GLI2: variants seen among roughly 807,000 people sequenced by gnomAD.
GLI2 encodes GLI family zinc finger 2.
In GLI2, 22 loss-of-function variants were observed where a neutral mutation model predicts 78.9. That is an observed-to-expected ratio of 0.28 (90% CI 0.20 to 0.40). The LOEUF (loss-of-function observed/expected upper bound fraction) is 0.40. Among genes scored for constraint, GLI2 ranks in the 10% least tolerant of loss-of-function variants. GLI2 has a pLI of 1.00. For missense variants in GLI2, 2,097 were observed against 2,213.2 expected, an observed-to-expected ratio of 0.95 and a Z score of 1.05; for synonymous variants, 974 against 963.7, an observed-to-expected ratio of 1.01 and a Z score of -0.20.
Position 120,988,494 on chromosome 2 carries a change from G to A in GLI2, c.2529G>A (p.Thr843=). The A allele has an allele frequency of 1.3e-6, 2 of 1,543,020 alleles. No homozygotes were observed. The highest frequency in any genetic ancestry group is 1.4e-5 in the African/African-American group (1 of 70,808). Residue 843 remains threonine, a synonymous_variant, in exon 14 of 14, where the codon ACG becomes ACA. Coordinates refer to ENST00000361492, the MANE Select transcript of GLI2 (RefSeq NM_001374353.1). ...SSADSYDPIS[T]DASRRSSEAS... ...CTGACTCCTACGACCCCATCTCCAC[G>A]GACGCGTCGCGGCGCTCGAGCGAGG...
At chr2:120,825,140 T>C (rs1685985876) in intron 2 of GLI2, among the ~76,000 whole-genome samples, 2 of 152,204 alleles carry the variant, frequency 1.3e-5, no homozygotes. Flanking sequence ...TGATATTTCT[T>C]ATAGCCATTG....
intron 11 of GLI2, among the ~76,000 whole-genome samples, chr2:120,983,511 G>A (rs10048726): frequency 0.63 from 95,712 of 151,580 alleles, 31,209 homozygotes; most frequent in Non-Finnish European, 0.73. Flanking sequence ...GCGTTTGTTG[G>A]TAGCCCCCTG....
intron 2 of GLI2, among the ~76,000 whole-genome samples, chr2:120,835,859 C>T (rs1686587458): frequency 6.6e-6 from 1 of 151,954 alleles, no homozygotes; most frequent in South Asian, 2.1e-4. Context: ...TTTAACCACA[C>T]CAAAGAGATG....
chr2:120,755,080 A>C (rs1434275043), intron 1 of GLI2, among the ~76,000 whole-genome samples: 2 of 152,140 alleles, frequency 1.3e-5, no homozygotes, highest in African/African-American at 2.4e-5. Flanking sequence ...TGAACTCCTG[A>C]CCTCAAATGG....
intron 1 of GLI2, among the ~76,000 whole-genome samples, chr2:120,794,118 G>A (rs1419365859): frequency 1.3e-5 from 2 of 152,208 alleles, no homozygotes; most frequent in Non-Finnish European, 2.9e-5. Context: ...GGTGATGAAT[G>A]TAATACGGGG....
intron 2 of GLI2, among the ~76,000 whole-genome samples, chr2:120,832,513 G>A (rs753357106): frequency 3.9e-5 from 6 of 152,054 alleles, no homozygotes; most frequent in Admixed American, 2.0e-4. Flanking sequence ...TCTAAACCTC[G>A]CTTGCTTCTC....
intron 1 of GLI2, among the ~76,000 whole-genome samples, chr2:120,773,536 C>T (rs555022026): frequency 5.3e-5 from 8 of 152,324 alleles, no homozygotes; most frequent in Admixed American, 1.3e-4. Context: ...ATGCTGTCTG[C>T]GGCTGCCAGC....
At chr2:120,851,128 GA>G (rs553022213) in intron 2 of GLI2, among the ~76,000 whole-genome samples, 1 of 152,102 alleles carries the variant, frequency 6.6e-6, no homozygotes, top group Non-Finnish European at 1.5e-5. Context: ...GGATTGCTTA[GA>G]TTTTTTTAAA....
intron 2 of GLI2, among the ~76,000 whole-genome samples, chr2:120,813,141 T>C (rs1277985224): frequency 1.3e-5 from 2 of 152,234 alleles, no homozygotes; most frequent in Admixed American, 6.5e-5. Context: ...ATGGACAATG[T>C]CCTGGCAGGG....
chr2:120,869,465 G>T (rs1688319677), intron 2 of GLI2, among the ~76,000 whole-genome samples: 1 of 152,074 alleles, frequency 6.6e-6, no homozygotes, highest in Non-Finnish European at 1.5e-5. Flanking sequence ...TCACCAATAG[G>T]ATCCTTTCCC....
At chr2:120,743,275 G>A (rs1456721815) in intron 1 of GLI2, among the ~76,000 whole-genome samples, 1 of 152,150 alleles carries the variant, frequency 6.6e-6, no homozygotes, top group African/African-American at 2.4e-5. Flanking sequence ...GGGCTCTGAT[G>A]TGCCGCCTCC....
intron 1 of GLI2, among the ~76,000 whole-genome samples, chr2:120,774,673 C>T (rs1410208762): frequency 6.6e-6 from 1 of 152,220 alleles, no homozygotes; most frequent in Non-Finnish European, 1.5e-5. Flanking sequence ...ACTGAGTCCT[C>T]ATCCTTGTGT....
At chr2:120,814,700 G>T (rs1051622674) in intron 2 of GLI2, among the ~76,000 whole-genome samples, 1 of 152,208 alleles carries the variant, frequency 6.6e-6, no homozygotes, top group Non-Finnish European at 1.5e-5. Flanking sequence ...GCATTTGAGG[G>T]ATCTAGGTTG....
chr2:120,901,606 T>A (rs1224238488), intron 2 of GLI2, among the ~76,000 whole-genome samples: 1 of 152,208 alleles, frequency 6.6e-6, no homozygotes, highest in East Asian at 1.9e-4. Context: ...AAAGGCAACA[T>A]CCACGGAGTG....
At chr2:120,980,350 T>C (rs1263452644) in intron 10 of GLI2, among the ~76,000 whole-genome samples, 1 of 152,234 alleles carries the variant, frequency 6.6e-6, no homozygotes, top group Admixed American at 6.5e-5. Context: ...AGTAGTATTT[T>C]ATTGTGTTTT....
chr2:120,816,849 C>T (rs1185824601), intron 2 of GLI2, among the ~76,000 whole-genome samples: 1 of 152,194 alleles, frequency 6.6e-6, no homozygotes, highest in Non-Finnish European at 1.5e-5. Flanking sequence ...AAAGCCTTTT[C>T]GCCTAATTTG....
At chr2:120,881,504 G>C (rs1677122015) in intron 2 of GLI2, among the ~76,000 whole-genome samples, 1 of 135,950 alleles carries the variant, frequency 7.4e-6, no homozygotes, top group South Asian at 2.5e-4. Flanking sequence ...AGTGGGGAGA[G>C]GGCAGGTCAA....
rs1203540721 is a variant in GLI2, at chr2:120,988,512, G to T, written c.2547G>T (p.Ser849=). 1 of 1,523,920 alleles carries T rather than the reference G, an allele frequency of 6.6e-7. No homozygotes were observed. The highest frequency in any genetic ancestry group is 8.7e-7 in the Non-Finnish European group (1 of 1,144,096). 94.4% of individuals were successfully genotyped at this position (1,523,920 alleles called of 1,614,324 possible). The change falls in exon 14 of 14, where the codon TCG becomes TCT. Residue 849 remains serine, a synonymous_variant. Coordinates refer to ENST00000361492, the MANE Select transcript of GLI2 (RefSeq NM_001374353.1). ...TCTCCACGGACGCGTCGCGGCGCTCGAGCGAGGCCAGCCAGTGCAGCGGCG... is the reference window on the plus strand; with the variant it reads ...TCTCCACGGACGCGTCGCGGCGCTCTAGCGAGGCCAGCCAGTGCAGCGGCG... ...DPISTDASRR[S]SEASQCSGGS...
intron 2 of GLI2, among the ~76,000 whole-genome samples, chr2:120,843,400 A>T (rs916132931): frequency 1.3e-5 from 2 of 152,174 alleles, no homozygotes; most frequent in Non-Finnish European, 2.9e-5. Flanking sequence ...TAGAACTTAG[A>T]CGTCAGGACA....
Sources: allele counts gnomAD v4.1 joint callset (sites outside exome capture counted in the v4.1 genomes callset), GRCh38; gene constraint gnomAD v4.1.1; transcripts MANE v1.5; gene names NCBI Gene and HGNC (gene_info 2026-07-23, HGNC 2026-07-21).